Variants in MTR observed in about 807,000 individuals in gnomAD.
MTR encodes 5-methyltetrahydrofolate-homocysteine methyltransferase.
MTR carries 84 observed loss-of-function variants against 154.8 expected under a neutral mutation model. The observed-to-expected ratio is 0.54, with a 90% CI of 0.45 to 0.65. The LOEUF is 0.65. MTR is among the 30% of genes least tolerant of loss of function. MTR has a pLI of 0.00. For missense variants in MTR, 1,275 were observed against 1,570.2 expected (o/e 0.81, Z 3.18); for synonymous variants, 554 against 553.9 (o/e 1.00, Z 0.00).
chr1:236,803,465 C>T lies in MTR; in HGVS notation c.72C>T (p.Ala24=). Residue 24 remains alanine (A), a synonymous_variant, in exon 2 of 33, where the codon GCC becomes GCT. Coordinates refer to ENST00000366577, the MANE Select transcript of MTR (RefSeq NM_000254.3). ...LKKTLRDEIN[A]ILQKRIMVLD... ...AAACCCTGCGGGATGAGATCAATGC[C>T]ATTCTGCAGAAGAGGATTATGGTGC... The T allele has an allele frequency of 1.2e-6, 2 of 1,614,164 alleles. No homozygotes were observed.
intron 8 of MTR, among the ~76,000 whole-genome samples, chr1:236,819,462 G>A (rs1055172666): frequency 1.2e-4 from 18 of 152,100 alleles, no homozygotes; most frequent in African/African-American, 2.9e-4. Flanking sequence ...ATAATATTCC[G>A]TTGCGAAGAT....
intron 22 of MTR, among the ~76,000 whole-genome samples, chr1:236,873,543 A>G (rs1345545381): frequency 6.6e-6 from 1 of 152,356 alleles, no homozygotes; most frequent in African/African-American, 2.4e-5. Context: ...TATGTGAATG[A>G]TGGTCGGTAA....
At chr1:236,862,573 C>G (rs1206815926) in intron 21 of MTR, among the ~76,000 whole-genome samples, 1 of 152,196 alleles carries the variant, frequency 6.6e-6, no homozygotes, top group Non-Finnish European at 1.5e-5. Flanking sequence ...TCAATCAAAA[C>G]CCATGTTTTC....
Position 236,818,914 on chromosome 1 carries a change from G to T in MTR, c.764+2371G>T, listed in dbSNP as rs146435624. Among the ~76,000 whole-genome samples the T allele has an allele frequency of 5.2e-4, 79 of 152,302 alleles. 1 individual carries two copies. Among genetic ancestry groups the T allele is most frequent in the Middle Eastern group, 3.4e-3 (1 of 294 alleles). ...ATACAGAACTATGAATAAAAATCTG[G>T]CAATACATAGGAGTAATGGAGTTCT... On this transcript the variant is annotated intron_variant, in intron 8 of 32. Coordinates refer to ENST00000366577, the MANE Select transcript of MTR (RefSeq NM_000254.3).
At chr1:236,797,913 A>G (rs1293643700) in intron 1 of MTR, among the ~76,000 whole-genome samples, 1 of 150,724 alleles carries the variant, frequency 6.6e-6, no homozygotes, top group African/African-American at 2.4e-5. Context: ...AGCCGAGATC[A>G]TGCCACTGCA....
rs1303018897 is a variant in MTR, at chr1:236,898,755, A to G, written c.*1111A>G. 3 of 152,078 alleles carry G rather than the reference A, an allele frequency of 2.0e-5. No individual in the cohort carries two copies. Among genetic ancestry groups the G allele is most frequent in the Non-Finnish European group, 4.4e-5 (3 of 68,048 alleles). The allele number at this position is 152,078 out of a possible 1,614,324, so 9.4% of individuals were successfully genotyped here. A position where few individuals can be genotyped will look rare whatever the true frequency, so the allele number is the denominator to read the frequency against. On this transcript the variant is annotated 3_prime_UTR_variant, in exon 33 of 33. Transcript: ENST00000366577. ...TGTTTCCAGGATTGAGCAGGTTCTCAGCTGGGCTCTGATATCCCGTGCGGA... is the reference window on the plus strand; with the variant it reads ...TGTTTCCAGGATTGAGCAGGTTCTCGGCTGGGCTCTGATATCCCGTGCGGA...
intron 6 of MTR, among the ~76,000 whole-genome samples, chr1:236,813,316 A>C (rs1050100696): frequency 6.6e-6 from 1 of 152,162 alleles, no homozygotes; most frequent in Non-Finnish European, 1.5e-5. Context: ...GCAAAGGCAC[A>C]TAAGTGTATA....
intron 13 of MTR, among the ~76,000 whole-genome samples, chr1:236,833,106 C>A (rs1662708809): frequency 6.6e-6 from 1 of 152,190 alleles, no homozygotes; most frequent in Non-Finnish European, 1.5e-5. Flanking sequence ...AACTGCCCTC[C>A]CATCCTGATC....
At chr1:236,876,789 TAGC>T (rs1665459601) in intron 24 of MTR, among the ~76,000 whole-genome samples, 1 of 152,208 alleles carries the variant, frequency 6.6e-6, no homozygotes, top group Non-Finnish European at 1.5e-5. Context: ...TAATGATTCT[TAGC>T]AGTTGCAACC....
chr1:236,876,474 A>G (rs758621042), intron 24 of MTR, among the ~76,000 whole-genome samples: 25 of 152,224 alleles, frequency 1.6e-4, no homozygotes, highest in Non-Finnish European at 3.1e-4. Flanking sequence ...TGGTAAGAGG[A>G]CCTATGGACT....
At chr1:236,825,218 TGCAA>T in intron 9 of MTR, 116 bp from the exon 10 acceptor site, 1 of 595,594 alleles carries the variant, frequency 1.7e-6, no homozygotes, top group Non-Finnish European at 2.9e-6. Flanking sequence ...TGTTTGTTTT[TGCAA>T]GTAGTCACCA....
intron 22 of MTR, among the ~76,000 whole-genome samples, chr1:236,873,013 G>A (rs1220966252): frequency 1.3e-5 from 2 of 152,194 alleles, no homozygotes; most frequent in South Asian, 2.1e-4. Context: ...GATTGCTTAT[G>A]CAAAAAGCTG....
chr1:236,851,148 C>CA (rs1444071334), intron 16 of MTR, among the ~76,000 whole-genome samples: 5 of 152,194 alleles, frequency 3.3e-5, no homozygotes, highest in African/African-American at 1.2e-4. Flanking sequence ...TACTCAACGT[C>CA]ACTTCTGCAG....
intron 15 of MTR, among the ~76,000 whole-genome samples, chr1:236,848,744 T>G (rs1558308165): frequency 6.6e-6 from 1 of 152,116 alleles, no homozygotes; most frequent in Non-Finnish European, 1.5e-5. Context: ...CCCTCCCAAG[T>G]AGAGGTGAAG....
intron 9 of MTR, 33 bp from the exon 10 acceptor site, chr1:236,825,305 A>C: frequency 6.5e-7 from 1 of 1,544,450 alleles, no homozygotes; most frequent in Non-Finnish European, 9.0e-7. Flanking sequence ...TTTTAAGGCA[A>C]TTTGCAATAA....
chr1:236,841,895 T>C (rs1171829424), intron 15 of MTR, among the ~76,000 whole-genome samples: 2 of 146,760 alleles, frequency 1.4e-5, no homozygotes, highest in African/African-American at 2.5e-5. Context: ...TTCTAACTCT[T>C]TTTTTTTTTT....
intron 25 of MTR, among the ~76,000 whole-genome samples, chr1:236,881,737 C>G: frequency 6.6e-6 from 1 of 152,064 alleles, no homozygotes; most frequent in South Asian, 2.1e-4. Flanking sequence ...TTCAGATCTG[C>G]GAATTTATTT....
chr1:236,884,982 A>G (rs369910152), intron 25 of MTR, 139 bp from the exon 26 acceptor site: 13 of 695,016 alleles, frequency 1.9e-5, no homozygotes, highest in African/African-American at 1.6e-4. Flanking sequence ...CCTGCACGCC[A>G]GGCAGGAATT....
chr1:236,806,305 A>C, intron 3 of MTR, 72 bp downstream of exon 3: 1 of 1,199,768 alleles, frequency 8.3e-7, no homozygotes, highest in African/African-American at 1.5e-5. Flanking sequence ...GCTAGTGAGT[A>C]AAGCACTGGA....
Sources: allele counts gnomAD v4.1 joint callset (sites outside exome capture counted in the v4.1 genomes callset), GRCh38; gene constraint gnomAD v4.1.1; transcripts MANE v1.5; gene names NCBI Gene and HGNC (gene_info 2026-07-23, HGNC 2026-07-21).